The following NRG3 variants were observed in gnomAD, a reference collection of about 807,000 sequenced individuals.
NRG3 encodes pro-neuregulin-3, membrane-bound isoform.
Under a neutral mutation model 66.9 loss-of-function variants are expected in NRG3, and 31 were observed. The ratio of observed to expected loss-of-function variants is 0.46; its 90% CI spans 0.35 to 0.63. The LOEUF is 0.63. NRG3 is among the 20% of genes least tolerant of loss of function. NRG3 has a pLI of 0.00. For missense variants in NRG3, 910 were observed against 878.9 expected (o/e 1.04, Z -0.45); for synonymous variants, 393 against 359.4 (o/e 1.09, Z -1.06).
At chr10:82,179,244 T>C (rs149809997) in intron 1 of NRG3, among the ~76,000 whole-genome samples, 1 of 152,194 alleles carries the variant, frequency 6.6e-6, no homozygotes, top group East Asian at 1.9e-4. Context: ...AGAAGCTTTT[T>C]AGTTTGATTT....
chr10:82,748,545 A>G (rs1457111184), intron 3 of NRG3, among the ~76,000 whole-genome samples: 4 of 150,880 alleles, frequency 2.7e-5, no homozygotes, highest in Non-Finnish European at 5.9e-5. Flanking sequence ...AATTTTTTCA[A>G]TATCTTTTGT....
intron 2 of NRG3, among the ~76,000 whole-genome samples, chr10:82,682,336 T>C (rs889420667): frequency 6.6e-6 from 1 of 151,946 alleles, no homozygotes; most frequent in Non-Finnish European, 1.5e-5. Context: ...CACTTAGATA[T>C]AGATAGATAG....
At chr10:82,338,862 G>A (rs1476198721) in intron 1 of NRG3, among the ~76,000 whole-genome samples, 1 of 152,108 alleles carries the variant, frequency 6.6e-6, no homozygotes, top group African/African-American at 2.4e-5. Context: ...ATCTGCAAAA[G>A]TACATTACAA....
chr10:81,972,255 A>G (rs556427365), intron 1 of NRG3, among the ~76,000 whole-genome samples: 1 of 152,232 alleles, frequency 6.6e-6, no homozygotes, highest in Admixed American at 6.5e-5. Flanking sequence ...ACAAAAGTAA[A>G]TATCAAGCAT....
Position 82,682,308 on chromosome 10 carries a change from T to C in NRG3, c.954-56269T>C, listed in dbSNP as rs541828926. 1.7e-4 allele frequency among the ~76,000 whole-genome samples: 26 copies of C among 152,264 alleles called. No homozygotes were observed. In the South Asian group the frequency reaches 5.2e-3, roughly 30 times the overall value. ...CTCTTTGGAGCTACCATTGTGTTTG[T>C]GAATATCACACACTGTTCACTTAGA... is the stretch of plus-strand genomic sequence containing the variant. On this transcript the variant is annotated intron_variant, in intron 2 of 8. Coordinates refer to ENST00000372141, the MANE Select transcript of NRG3 (RefSeq NM_001010848.4).
At chr10:82,237,386 C>T (rs528674873) in intron 1 of NRG3, among the ~76,000 whole-genome samples, 26 of 152,232 alleles carry the variant, frequency 1.7e-4, no homozygotes, top group Admixed American at 1.4e-3. Context: ...TTTGTCATTC[C>T]TTTTCTTAGA....
chr10:82,759,765 C>T (rs891120400), intron 3 of NRG3, among the ~76,000 whole-genome samples: 3 of 152,098 alleles, frequency 2.0e-5, no homozygotes, highest in Non-Finnish European at 2.9e-5. Context: ...AACCAGGGTT[C>T]CTAGCTTTCA....
At chr10:82,448,398 TA>T in intron 2 of NRG3, among the ~76,000 whole-genome samples, 1 of 152,362 alleles carries the variant, frequency 6.6e-6, no homozygotes, top group Admixed American at 6.5e-5. Context: ...TAAACAATTT[TA>T]CTTATGAAGT....
intron 2 of NRG3, among the ~76,000 whole-genome samples, chr10:82,391,891 G>A (rs1043473005): frequency 1.4e-5 from 2 of 146,152 alleles, no homozygotes; most frequent in African/African-American, 5.1e-5. Flanking sequence ...TGACCAAGTT[G>A]CTTTTAAAAT....
At chr10:82,714,228 T>G (rs999273189) in intron 2 of NRG3, among the ~76,000 whole-genome samples, 4 of 152,178 alleles carry the variant, frequency 2.6e-5, no homozygotes, top group African/African-American at 7.2e-5. Context: ...GTTATCATGT[T>G]GGTGCTGAGA....
chr10:82,946,101 C>T (rs1228651988), intron 4 of NRG3, among the ~76,000 whole-genome samples: 1 of 151,202 alleles, frequency 6.6e-6, no homozygotes, highest in Non-Finnish European at 1.5e-5. Flanking sequence ...AATGATGAGC[C>T]AAATGAGTAA....
chr10:81,978,964 G>A (rs1370078363), intron 1 of NRG3, among the ~76,000 whole-genome samples: 3 of 152,084 alleles, frequency 2.0e-5, no homozygotes, highest in African/African-American at 7.2e-5. Flanking sequence ...GCCGAGGTGG[G>A]CGGATCACAA....
chr10:82,132,481 T>TATATATATCATATATATATC (rs1564593369), intron 1 of NRG3, among the ~76,000 whole-genome samples: 4 of 7,316 alleles, frequency 5.5e-4, no homozygotes, highest in South Asian at 3.1e-3. Context: ...ATATATATGA[T>TATATATATCATATATATATC]ATATATATAT....
intron 2 of NRG3, among the ~76,000 whole-genome samples, chr10:82,660,353 C>G (rs2052258425): frequency 6.6e-6 from 1 of 151,754 alleles, no homozygotes; most frequent in Non-Finnish European, 1.5e-5. Context: ...AACATTTGGC[C>G]CCCTAAATTC....
At chr10:82,128,832 T>C (rs1047277122) in intron 1 of NRG3, among the ~76,000 whole-genome samples, 2 of 152,074 alleles carry the variant, frequency 1.3e-5, no homozygotes, top group African/African-American at 4.8e-5. Context: ...AATTAGGGAC[T>C]GGAACATTTC....
intron 1 of NRG3, among the ~76,000 whole-genome samples, chr10:82,130,191 T>G (rs1440653031): frequency 1.3e-5 from 2 of 151,860 alleles, no homozygotes; most frequent in Non-Finnish European, 2.9e-5. Context: ...ATCAATTTTT[T>G]AGACTATATG....
intron 1 of NRG3, among the ~76,000 whole-genome samples, chr10:82,341,927 A>G (rs1207869689): frequency 1.3e-5 from 2 of 151,890 alleles, no homozygotes; most frequent in Non-Finnish European, 2.9e-5. Flanking sequence ...TTCCTGTTCT[A>G]TTGATCTGTA....
At chr10:82,514,272 T>C (rs1845456491) in intron 2 of NRG3, among the ~76,000 whole-genome samples, 1 of 152,162 alleles carries the variant, frequency 6.6e-6, no homozygotes, top group Non-Finnish European at 1.5e-5. Context: ...CATCTATGTC[T>C]TGAATGGTAT....
chr10:82,797,778 T>C (rs1333213), intron 3 of NRG3, among the ~76,000 whole-genome samples: 73,649 of 151,886 alleles, frequency 0.48, 18,522 homozygotes, highest in African/African-American at 0.64. Context: ...TAGATCGGAG[T>C]TGTCTTCTAG....
Sources: allele counts gnomAD v4.1 joint callset (sites outside exome capture counted in the v4.1 genomes callset), GRCh38; gene constraint gnomAD v4.1.1; transcripts MANE v1.5; gene names NCBI Gene and HGNC (gene_info 2026-07-23, HGNC 2026-07-21).